Variants in APH1B observed in about 807,000 individuals in gnomAD.
The protein encoded by APH1B is aph-1B gamma-secretase subunit.
APH1B carries 27 observed loss-of-function variants against 28.2 expected under a neutral mutation model. The ratio of observed to expected loss-of-function variants is 0.96; its 90% CI spans 0.70 to 1.32. The LOEUF (loss-of-function observed/expected upper bound fraction) is 1.32, where lower values mean the gene tolerates loss of function less well. Among genes scored for constraint, APH1B ranks in the 40% most tolerant of loss-of-function variants. The pLI is 0.00. For missense variants in APH1B, 305 were observed against 313.6 expected (o/e 0.97, Z 0.21); for synonymous variants, 141 against 124.6 (o/e 1.13, Z -0.88).
At chr15:63,295,618 G>A (rs1407364869) in intron 4 of APH1B, among the ~76,000 whole-genome samples, 1 of 152,198 alleles carries the variant, frequency 6.6e-6, no homozygotes, top group East Asian at 1.9e-4. Flanking sequence ...GGGCTGACAT[G>A]TGTGTTATGG....
At chr15:63,297,295 T>G (rs945437855) in intron 4 of APH1B, among the ~76,000 whole-genome samples, 1 of 152,106 alleles carries the variant, frequency 6.6e-6, no homozygotes, top group Non-Finnish European at 1.5e-5. Context: ...GAAGCTGAGG[T>G]GGGCAGATTG....
chr15:63,286,510 C>CTTTT (rs58838039), intron 2 of APH1B, 48 bp from the exon 3 acceptor site: 25 of 1,242,288 alleles, frequency 2.0e-5, no homozygotes, highest in Non-Finnish European at 2.4e-5. Flanking sequence ...ATTGCTCTTC[C>CTTTT]TTTTTTTTTT....
At chr15:63,290,754 G>A (rs2038496549) in intron 4 of APH1B, among the ~76,000 whole-genome samples, 1 of 152,196 alleles carries the variant, frequency 6.6e-6, no homozygotes. Flanking sequence ...CCATGCAAGT[G>A]CAAGGACGAC....
rs12595040 is a variant in APH1B, at chr15:63,301,619, T to C, written c.479-726T>C. 2.0e-5 allele frequency among the ~76,000 whole-genome samples: 3 copies of C among 152,016 alleles called. No individual in the cohort carries two copies. The South Asian group carries it at 6.2e-4, about 32-fold the overall frequency. On this transcript the variant is annotated intron_variant, in intron 4 of 5. Transcript: ENST00000261879. Reference sequence around the variant, plus strand: ...CTTCTTCTTTTTTTTTTTTGCTCTGTTGCCGAGGCTGGAGTACAGTGGCAT... The same window carrying C: ...CTTCTTCTTTTTTTTTTTTGCTCTGCTGCCGAGGCTGGAGTACAGTGGCAT...
rs2038695169 is a variant in APH1B, at chr15:63,307,160, T to G, written c.*1379T>G. On this transcript the variant is annotated 3_prime_UTR_variant, in exon 6 of 6. Coordinates refer to ENST00000261879, the MANE Select transcript of APH1B (RefSeq NM_031301.4). ...AACATTCAGAAGAGAGGAGCAGCAATCCTGAGGGGCTGGGGGAGTGACAGT... is the reference window on the plus strand; with the variant it reads ...AACATTCAGAAGAGAGGAGCAGCAAGCCTGAGGGGCTGGGGGAGTGACAGT... 1 of 152,188 alleles carries G rather than the reference T, an allele frequency of 6.6e-6. No homozygotes were observed. Among genetic ancestry groups the G allele is most frequent in the Admixed American group, 6.5e-5 (1 of 15,276 alleles). The allele number at this position is 152,188 out of a possible 1,614,324, so 9.4% of individuals were successfully genotyped here.
chr15:63,293,029 A>G (rs771561634), intron 4 of APH1B, among the ~76,000 whole-genome samples: 2 of 152,116 alleles, frequency 1.3e-5, no homozygotes, highest in Non-Finnish European at 2.9e-5. Context: ...TCTGCTGACT[A>G]CCTTTCGGCG....
rs759936094 is a variant in APH1B at position 63,305,616 on chromosome 15, C to T, written c.609C>T (p.Thr203=). The change falls in exon 6 of 6, where the codon ACC becomes ACT. Residue 203 remains threonine, a splice_region_variant and synonymous_variant. Coordinates refer to ENST00000261879, the MANE Select transcript of APH1B (RefSeq NM_031301.4). ...LLTHLLVSAQ[T]FISSYYGINL... is the part of the protein sequence containing the mutation. ...GCTGATTTATTTTTCTTTTGCAGAC[C>T]TTCATAAGTTCTTATTATGGAATAA... 4.1e-5 allele frequency: 66 copies of T among 1,613,722 alleles called. 2 individuals are homozygous for T. The South Asian group carries it at 7.1e-4, about 17-fold the overall frequency.
intron 1 of APH1B, 125 bp downstream of exon 1, chr15:63,277,861 A>G: frequency 1.1e-6 from 1 of 927,854 alleles, no homozygotes; most frequent in African/African-American, 1.7e-5. Context: ...AGGAGGGTTG[A>G]GAGGGGGAGA....
intron 4 of APH1B, among the ~76,000 whole-genome samples, chr15:63,297,497 T>C (rs1030305094): frequency 6.6e-6 from 1 of 152,026 alleles, no homozygotes; most frequent in Admixed American, 6.6e-5. Flanking sequence ...ACCATTGCAC[T>C]CCAGTCTGGG....
At chr15:63,300,900 G>A (rs998171751) in intron 4 of APH1B, among the ~76,000 whole-genome samples, 1 of 152,180 alleles carries the variant, frequency 6.6e-6, no homozygotes, top group Non-Finnish European at 1.5e-5. Flanking sequence ...ATTCCATTGT[G>A]TGAATAGAGC....
At chr15:63,277,981 C>A in intron 1 of APH1B, 1 of 548,650 alleles carries the variant, frequency 1.8e-6, no homozygotes. Context: ...ATCCGTGAAG[C>A]TACTAAAGTT....
At chr15:63,302,718 AC>A (rs1448872759) in intron 5 of APH1B, among the ~76,000 whole-genome samples, 2 of 152,122 alleles carry the variant, frequency 1.3e-5, no homozygotes, top group Non-Finnish European at 2.9e-5. Flanking sequence ...TCTCTCTCTA[AC>A]CTAGGTCAGT....
At chr15:63,297,232 A>C (rs976062675) in intron 4 of APH1B, among the ~76,000 whole-genome samples, 12 of 152,194 alleles carry the variant, frequency 7.9e-5, no homozygotes, top group Non-Finnish European at 1.5e-4. Flanking sequence ...TGGCTTAAGA[A>C]TATTAGAACA....
chr15:63,303,068 T>C (rs567252844), intron 5 of APH1B, among the ~76,000 whole-genome samples: 1 of 152,352 alleles, frequency 6.6e-6, no homozygotes, highest in East Asian at 1.9e-4. Flanking sequence ...ATGTTCATAG[T>C]AGTTCTCTGT....
chr15:63,286,092 G>C (rs1184051924), intron 2 of APH1B, among the ~76,000 whole-genome samples: 1 of 152,176 alleles, frequency 6.6e-6, no homozygotes, highest in African/African-American at 2.4e-5. Context: ...GTTCTACAGA[G>C]TGGAAGGTAC....
intron 4 of APH1B, among the ~76,000 whole-genome samples, chr15:63,300,394 A>T (rs1271886116): frequency 6.6e-6 from 1 of 152,194 alleles, no homozygotes; most frequent in Non-Finnish European, 1.5e-5. Flanking sequence ...TTGACATTTG[A>T]TTGTCATCTA....
At chr15:63,298,241 A>C (rs1290432608) in intron 4 of APH1B, among the ~76,000 whole-genome samples, 1 of 152,108 alleles carries the variant, frequency 6.6e-6, no homozygotes, top group African/African-American at 2.4e-5. Flanking sequence ...GACAGGGTCT[A>C]GCTCTGTCAC....
At chr15:63,290,888 G>A (rs2038498127) in intron 4 of APH1B, among the ~76,000 whole-genome samples, 1 of 151,484 alleles carries the variant, frequency 6.6e-6, no homozygotes, top group Admixed American at 6.6e-5. Context: ...GTGCCATAAC[G>A]AGTAGAGATT....
chr15:63,289,702 C>T (rs1475935054), intron 4 of APH1B, among the ~76,000 whole-genome samples: 1 of 152,170 alleles, frequency 6.6e-6, no homozygotes, highest in African/African-American at 2.4e-5. Flanking sequence ...ATATGAAATG[C>T]AAATGAATTT....
Sources: gnomAD v4.1 joint callset for allele counts (sites outside exome capture counted in the v4.1 genomes callset) on GRCh38, gnomAD v4.1.1 for gene constraint, MANE v1.5 for transcripts, NCBI Gene and HGNC (gene_info 2026-07-23, HGNC 2026-07-21) for gene names.